Variants in LRRC66 observed in about 807,000 individuals in gnomAD.
LRRC66 encodes the protein leucine-rich repeat-containing protein 66.
A neutral mutation model predicts 24.6 loss-of-function variants in LRRC66; 29 were observed. The observed-to-expected ratio is 1.18, with a 90% CI of 0.88 to 1.61. LRRC66 has a LOEUF of 1.61. LRRC66 is among the 40% of genes most tolerant of loss of function. The pLI is 0.00. For missense variants in LRRC66, 1,124 were observed against 1,058.0 expected, an observed-to-expected ratio of 1.06 and a Z score of -0.87; for synonymous variants, 411 against 397.6, an observed-to-expected ratio of 1.03 and a Z score of -0.40.
Position 51,995,580 on chromosome 4 carries a change from T to C in LRRC66, c.1442A>G (p.Asp481Gly). Residue 481 changes from aspartate to glycine, a missense_variant, in exon 5 of 5, where the codon GAT (aspartate) becomes GGT (glycine). Transcript: ENST00000682860. Reference protein sequence around the residue: ...PDRTLGRSRKDPGSSQSPGQC... With the variant: ...PDRTLGRSRKGPGSSQSPGQC... ...TCCTGGGCTCTGCGAACTGCCAGGATCCTTTCTGCTCCTTCCCAGAGTTCT... is the reference window on the plus strand; with the variant it reads ...TCCTGGGCTCTGCGAACTGCCAGGACCCTTTCTGCTCCTTCCCAGAGTTCT... The C allele has an allele frequency of 6.2e-7, 1 of 1,614,146 alleles. No homozygotes were observed.
At position 51,996,138 on chromosome 4, in the gene LRRC66, G is replaced by GGAGT; in HGVS notation, c.880_883dup (p.Pro295HisfsTer64). On this transcript the variant is annotated frameshift_variant, in exon 5 of 5. Transcript: ENST00000682860. LOFTEE classifies it low-confidence loss of function (END_TRUNC). ...GGTTTCCCTGGAAATCCTGCTCTGG[G>GGAGT]GAGTGCCCCCGTTGGCCTCCTCACT... 1 of 1,612,520 alleles carries GGAGT rather than the reference G, an allele frequency of 6.2e-7. No individual in the cohort carries two copies. The highest frequency in any genetic ancestry group is 8.5e-7 in the Non-Finnish European group (1 of 1,179,070).
chr4:52,020,270 A>G (rs1454016269), intron 1 of LRRC66, among the ~76,000 whole-genome samples, 34 bp downstream of exon 1: 2 of 152,258 alleles, frequency 1.3e-5, no homozygotes, highest in Non-Finnish European at 2.9e-5. Flanking sequence ...GGTAAGGACA[A>G]GACCTGGAAA....
chr4:52,018,482 T>C, intron 1 of LRRC66: 1 of 985,394 alleles, frequency 1.0e-6, no homozygotes, highest in Non-Finnish European at 1.2e-6. Context: ...TCCAAGAAAT[T>C]GTCCCTTCCT....
chr4:52,007,449 G>T (rs1157223854), intron 2 of LRRC66, among the ~76,000 whole-genome samples: 5 of 152,164 alleles, frequency 3.3e-5, no homozygotes, highest in African/African-American at 4.8e-5. Flanking sequence ...GCCTCCCAAA[G>T]TGTTGGGATT....
Position 51,995,384 on chromosome 4 carries a change from C to T in LRRC66, c.1638G>A (p.Glu546=), listed in dbSNP as rs771434771. 9.3e-6 allele frequency: 15 copies of T among 1,614,086 alleles called. No individual in the cohort carries two copies. The highest frequency in any genetic ancestry group is 1.0e-5 in the Non-Finnish European group (12 of 1,180,046). ...EWTYETVAQE[E]PLSAHSVGVS... ...CGCCCACTGAATGTGCACTGAGAGGCTCTTCCTGGGCCACAGTTTCATAAG... is the reference window on the plus strand; with the variant it reads ...CGCCCACTGAATGTGCACTGAGAGGTTCTTCCTGGGCCACAGTTTCATAAG... Residue 546 remains glutamate, a synonymous_variant, in exon 5 of 5, where the codon GAG becomes GAA. Transcript: ENST00000682860.
intron 2 of LRRC66, among the ~76,000 whole-genome samples, chr4:52,004,822 T>C (rs941423100): frequency 3.9e-5 from 6 of 152,180 alleles, no homozygotes; most frequent in Admixed American, 3.3e-4. Context: ...AAGCAAGAGA[T>C]CGTCAGGACG....
At position 51,995,059 on chromosome 4, in the gene LRRC66, C is replaced by T. The variant is rs769578369; in HGVS notation, c.1963G>A (p.Glu655Lys). The T allele has an allele frequency of 1.9e-6, 3 of 1,614,138 alleles. No homozygotes were observed. The highest frequency in any genetic ancestry group is 1.7e-5 in the Admixed American group (1 of 60,028). ...TCTCTTGGGTCACCGTATGGAACCT[C>T]GCTGTAGTGGGCTGAAAGCGCTTCC... ...AEEALSAHYS[E>K]VPYGDPRDTG... The change falls in exon 5 of 5, where the codon GAG (glutamate) becomes AAG (lysine). Residue 655 changes from glutamate to lysine, a missense_variant. Coordinates refer to ENST00000682860, the MANE Select transcript of LRRC66 (RefSeq NM_001024611.3).
intron 2 of LRRC66, among the ~76,000 whole-genome samples, chr4:52,015,436 G>A (rs1354662442): frequency 4.6e-5 from 7 of 152,264 alleles, no homozygotes; most frequent in Admixed American, 4.6e-4. Flanking sequence ...CCTTGTTAGA[G>A]TATACGATTC....
At chr4:52,001,603 G>T (rs1240969567) in intron 3 of LRRC66, among the ~76,000 whole-genome samples, 1 of 152,198 alleles carries the variant, frequency 6.6e-6, no homozygotes, top group Non-Finnish European at 1.5e-5. Flanking sequence ...ACTCTGAGAG[G>T]AACTAAATTA....
intron 3 of LRRC66, 46 bp downstream of exon 3, chr4:52,003,177 C>T (rs369186590): frequency 2.8e-6 from 4 of 1,443,382 alleles, no homozygotes; most frequent in Admixed American, 3.7e-5. Flanking sequence ...AATGTAATTG[C>T]CCATGTGTCT....
Position 52,017,058 on chromosome 4 carries a change from A to G in LRRC66, c.496+60T>C, listed in dbSNP as rs571278555. 20 of 1,516,280 alleles carry G rather than the reference A, an allele frequency of 1.3e-5. No individual in the cohort carries two copies. In the African/African-American group the frequency reaches 2.5e-4, roughly 19 times the overall value. The allele number at this position is 1,516,280 out of a possible 1,614,324, so 93.9% of individuals were successfully genotyped here. ...ACCTGAAAACAAATGTGGAATTCTT[A>G]TGAACATGAAACAACTCCACGTAAG... On this transcript the variant is annotated intron_variant, in intron 2 of 4. Transcript: ENST00000682860.
intron 2 of LRRC66, among the ~76,000 whole-genome samples, chr4:52,014,824 A>C (rs1257123903): frequency 6.6e-6 from 1 of 152,214 alleles, no homozygotes; most frequent in African/African-American, 2.4e-5. Context: ...TCCACCGTCT[A>C]TCTCTTTTCA....
rs1736260773 is a variant in LRRC66 at position 51,995,004 on chromosome 4, C to T, written c.2018G>A (p.Trp673Ter). 1 of 1,613,974 alleles carries T rather than the reference C, an allele frequency of 6.2e-7. No individual in the cohort carries two copies. ...DTGPSVFPPR[W>*]DSGLDVTPAN... ...AGGAGTGACATCCAGGCCACTGTCCCATCTTGGAGGAAAGACTGATGGGCC... is the reference window on the plus strand; with the variant it reads ...AGGAGTGACATCCAGGCCACTGTCCTATCTTGGAGGAAAGACTGATGGGCC... The change falls in exon 5 of 5, where the codon TGG (tryptophan) becomes TAG (stop). Residue 673 changes from tryptophan (W) to a stop codon, truncating the protein, a stop_gained. Transcript: ENST00000682860. LOFTEE classifies it low-confidence loss of function (END_TRUNC).
intron 2 of LRRC66, among the ~76,000 whole-genome samples, chr4:52,013,925 T>C (rs527474404): frequency 2.8e-4 from 43 of 152,364 alleles, no homozygotes; most frequent in Non-Finnish European, 1.5e-5. Context: ...TGAATTATAG[T>C]GGGCTACTAC....
At chr4:52,007,918 G>A (rs1003952491) in intron 2 of LRRC66, among the ~76,000 whole-genome samples, 1 of 152,138 alleles carries the variant, frequency 6.6e-6, no homozygotes, top group Non-Finnish European at 1.5e-5. Flanking sequence ...TAATAGGGAC[G>A]AGCCCTTGAG....
chr4:52,018,279 T>G, intron 1 of LRRC66: 2 of 984,876 alleles, frequency 2.0e-6, no homozygotes, highest in Non-Finnish European at 2.4e-6. Flanking sequence ...ACAGAAACAT[T>G]GAGTATCTTT....
At chr4:52,018,282 G>GT in intron 1 of LRRC66, 2 of 984,734 alleles carry the variant, frequency 2.0e-6, no homozygotes, top group Non-Finnish European at 2.4e-6. Flanking sequence ...GAAACATTGA[G>GT]TATCTTTTGT....
At chr4:52,002,837 A>G (rs1356999335) in intron 3 of LRRC66, among the ~76,000 whole-genome samples, 1 of 152,212 alleles carries the variant, frequency 6.6e-6, no homozygotes, top group Non-Finnish European at 1.5e-5. Context: ...GGCCTCCCCA[A>G]GCGTTCCATA....
intron 2 of LRRC66, among the ~76,000 whole-genome samples, chr4:52,012,290 T>A (rs1033220670): frequency 6.6e-6 from 1 of 152,050 alleles, no homozygotes; most frequent in South Asian, 2.1e-4. Flanking sequence ...TATTAGAGAA[T>A]CCTCTTATTT....
Sources: gnomAD v4.1 joint callset for allele counts (sites outside exome capture counted in the v4.1 genomes callset) on GRCh38, gnomAD v4.1.1 for gene constraint, MANE v1.5 for transcripts, NCBI Gene and HGNC (gene_info 2026-07-23, HGNC 2026-07-21) for gene names.